SEM1: variants seen among roughly 807,000 people sequenced by gnomAD.
SEM1 encodes 26S proteasome complex subunit SEM1.
In SEM1, 3 loss-of-function variants were observed where a neutral mutation model predicts 12.7. The ratio of observed to expected loss-of-function variants is 0.24; its 90% confidence interval spans 0.11 to 0.61. The LOEUF is 0.61. Ranked by LOEUF, SEM1 falls within the 20% of genes least tolerant of loss-of-function variation. SEM1 has a pLI of 0.88. For synonymous variants in SEM1, 30 were observed against 27.8 expected (o/e 1.08, Z -0.25); for missense variants, 59 against 81.3 (o/e 0.73, Z 1.06).
intron 2 of SEM1, among the ~76,000 whole-genome samples, chr7:96,567,956 A>T (rs1805899696): frequency 1.3e-5 from 2 of 151,036 alleles, no homozygotes; most frequent in African/African-American, 4.9e-5. Context: ...ACACACACTC[A>T]CACACACACA....
intron 2 of SEM1, among the ~76,000 whole-genome samples, chr7:96,605,424 ACT>A (rs1308724912): frequency 2.0e-5 from 3 of 152,114 alleles, no homozygotes; most frequent in African/African-American, 7.2e-5. Context: ...CACAAAAGTA[ACT>A]CTATTTTTGG....
At chr7:96,499,201 GAAT>G (rs765926074), upstream of SEM1, among the ~76,000 whole-genome samples, 3 of 152,146 alleles carry the variant, frequency 2.0e-5, 1 homozygote, top group South Asian at 4.1e-4. Flanking sequence ...TTCTGTTCCT[GAAT>G]AATGCCTACA....
intron 2 of SEM1, among the ~76,000 whole-genome samples, chr7:96,661,218 C>G (rs192575271): frequency 6.6e-6 from 1 of 152,126 alleles, no homozygotes; most frequent in Non-Finnish European, 1.5e-5. Flanking sequence ...TCATCACTAT[C>G]CTTTGCTACT....
At chr7:96,698,531 T>G (rs530407934) in intron 1 of SEM1, among the ~76,000 whole-genome samples, 3 of 152,302 alleles carry the variant, frequency 2.0e-5, no homozygotes, top group Non-Finnish European at 4.4e-5. Flanking sequence ...TTTTCTGTTC[T>G]TGTGTTAGTT....
At chr7:96,532,737 A>T (rs1265556135) in intron 2 of SEM1, among the ~76,000 whole-genome samples, 1 of 152,144 alleles carries the variant, frequency 6.6e-6, no homozygotes, top group African/African-American at 2.4e-5. Context: ...AGCAAAATGC[A>T]TTATCGTACT....
intron 2 of SEM1, among the ~76,000 whole-genome samples, chr7:96,537,264 G>A (rs190832121): frequency 6.6e-6 from 1 of 151,596 alleles, no homozygotes; most frequent in East Asian, 1.9e-4. Context: ...TATAATCACC[G>A]AATGCATTGT....
chr7:96,580,271 C>T (rs1806349899), intron 2 of SEM1, among the ~76,000 whole-genome samples: 1 of 148,596 alleles, frequency 6.7e-6, no homozygotes, highest in African/African-American at 2.5e-5. Flanking sequence ...TTTCCAATTT[C>T]ATCCATGTCC....
intron 1 of SEM1, among the ~76,000 whole-genome samples, chr7:96,698,343 C>G (rs543963210): frequency 6.6e-6 from 1 of 152,124 alleles, no homozygotes; most frequent in African/African-American, 2.4e-5. Context: ...GTTTGCTGCA[C>G]CCATCAACCC....
intron 2 of SEM1, among the ~76,000 whole-genome samples, chr7:96,676,260 T>C (rs1051899537): frequency 2.0e-5 from 3 of 152,194 alleles, no homozygotes; most frequent in East Asian, 3.9e-4. Context: ...AGTTTTATGA[T>C]TACAGTAATG....
At position 96,506,882 on chromosome 7, in the gene SEM1, G is replaced by A. The variant is rs139399546; in HGVS notation, c.171-184C>T. Among the ~76,000 whole-genome samples the A allele has an allele frequency of 3.3e-5, 5 of 152,112 alleles. No individual in the cohort carries two copies. The East Asian group carries it at 7.7e-4, about 24-fold the overall frequency. On this transcript the variant is annotated intron_variant and NMD_transcript_variant, in intron 2 of 3. Coordinates refer to the SEM1 transcript ENST00000466986. ...AAATTTTAAAATACTCAACAGTATT[G>A]TATATTAGTTCAGGATGCACACAGA... is the stretch of plus-strand genomic sequence containing the variant.
At chr7:96,524,045 G>C (rs1804367933) in intron 2 of SEM1, among the ~76,000 whole-genome samples, 1 of 151,974 alleles carries the variant, frequency 6.6e-6, no homozygotes, top group Admixed American at 6.6e-5. Context: ...GGAGTTTCTG[G>C]TTAGCCTATT....
chr7:96,646,424 T>C (rs1808794641), intron 2 of SEM1, among the ~76,000 whole-genome samples: 1 of 152,216 alleles, frequency 6.6e-6, no homozygotes, highest in South Asian at 2.1e-4. Flanking sequence ...ACCACAGTGA[T>C]GTTTCTCTTT....
At chr7:96,629,808 T>C (rs922169780) in intron 2 of SEM1, among the ~76,000 whole-genome samples, 2 of 152,182 alleles carry the variant, frequency 1.3e-5, no homozygotes, top group African/African-American at 4.8e-5. Context: ...TCAGAAGGAC[T>C]TGGGAGTTGT....
chr7:96,539,294 C>T (rs946097348), intron 2 of SEM1, among the ~76,000 whole-genome samples: 1 of 151,748 alleles, frequency 6.6e-6, no homozygotes, highest in Non-Finnish European at 1.5e-5. Context: ...TCCTGAACCA[C>T]AAAAACTGTG....
downstream of SEM1, among the ~76,000 whole-genome samples, chr7:96,618,485 T>G (rs752882949): frequency 1.3e-5 from 2 of 152,174 alleles, no homozygotes; most frequent in Non-Finnish European, 2.9e-5. Context: ...TTTATAAACT[T>G]TTTTATCCCT....
At chr7:96,562,743 T>C (rs745794861) in intron 2 of SEM1, among the ~76,000 whole-genome samples, 2 of 152,152 alleles carry the variant, frequency 1.3e-5, no homozygotes, top group Non-Finnish European at 2.9e-5. Flanking sequence ...GTTACCAGAA[T>C]ATAGTGAACA....
chr7:96,689,112 A>C (rs1339282869), intron 2 of SEM1, 146 bp from the exon 3 acceptor site: 8 of 520,740 alleles, frequency 1.5e-5, no homozygotes, highest in African/African-American at 3.9e-5. Flanking sequence ...TGTCTCTGAA[A>C]AAAAAACATA....
intron 1 of SEM1, among the ~76,000 whole-genome samples, chr7:96,488,264 G>A (rs1010201464): frequency 2.6e-5 from 4 of 152,068 alleles, no homozygotes; most frequent in Non-Finnish European, 5.9e-5. Context: ...TGGGTGCATG[G>A]GATGAGTACC....
intron 2 of SEM1, among the ~76,000 whole-genome samples, chr7:96,559,096 T>A (rs1805616828): frequency 1.3e-5 from 2 of 152,236 alleles, no homozygotes; most frequent in Admixed American, 6.5e-5. Context: ...CCAGTTACTA[T>A]GCTTTAGGGA....
Sources: allele counts gnomAD v4.1 joint callset (sites outside exome capture counted in the v4.1 genomes callset), GRCh38; gene constraint gnomAD v4.1.1; transcripts MANE v1.5; gene names NCBI Gene and HGNC (gene_info 2026-07-23, HGNC 2026-07-21).